STATH: variants seen among roughly 807,000 people sequenced by gnomAD.
STATH encodes statherin.
A neutral mutation model predicts 13.3 loss-of-function variants in STATH; 11 were observed. The ratio of observed to expected loss-of-function variants is 0.83; its 90% CI spans 0.52 to 1.37. The LOEUF (loss-of-function observed/expected upper bound fraction) is 1.37. Ranked by LOEUF, STATH falls within the 40% of genes most tolerant of loss-of-function variation. STATH has a pLI of 0.00. For missense variants in STATH, 78 were observed against 73.3 expected, an observed-to-expected ratio of 1.06 and a Z score of -0.24; for synonymous variants, 25 against 23.6, an observed-to-expected ratio of 1.06 and a Z score of -0.17.
In STATH at chr4:69,998,306, A is replaced by G. The variant is rs1054942521; in HGVS notation, c.-15-117A>G. 3 of 692,486 alleles carry G rather than the reference A, an allele frequency of 4.3e-6. No homozygotes were observed. In the African/African-American group the frequency reaches 5.3e-5, roughly 12 times the overall value. The allele number at this position is 692,486 out of a possible 1,614,324, so 42.9% of individuals were successfully genotyped here. A position where few individuals can be genotyped will look rare whatever the true frequency, so the allele number is the denominator to read the frequency against. ...TCATGATGTCAGGCAATGGGTTTTA[A>G]TTGTCTTTCTATCTGGAGTGTGTCT... On this transcript the variant is annotated intron_variant, in intron 1 of 5. Coordinates refer to ENST00000246895, the MANE Select transcript of STATH (RefSeq NM_003154.3).
At chr4:69,996,939 T>C (rs1162106260) in intron 1 of STATH, among the ~76,000 whole-genome samples, 1 of 149,532 alleles carries the variant, frequency 6.7e-6, no homozygotes, top group East Asian at 1.9e-4. Flanking sequence ...TTTTTTTTTT[T>C]TTTTTTTTTT....
chr4:69,999,897 C>G, intron 4 of STATH, 88 bp downstream of exon 4: 2 of 1,460,996 alleles, frequency 1.4e-6, no homozygotes, highest in Non-Finnish European at 9.5e-7. Flanking sequence ...ACTTATTTCT[C>G]AAATATGTGT....
At chr4:69,996,883 A>G (rs996283048) in intron 1 of STATH, among the ~76,000 whole-genome samples, 1 of 151,114 alleles carries the variant, frequency 6.6e-6, no homozygotes, top group African/African-American at 2.4e-5. Flanking sequence ...GAAAAACCCC[A>G]AAGTACATAT....
intron 4 of STATH, chr4:70,000,661 A>T: frequency 1.8e-6 from 1 of 550,338 alleles, no homozygotes; most frequent in East Asian, 2.9e-5. Flanking sequence ...CATGCAGTAC[A>T]AAGGTAAACA....
chr4:70,000,004 A>C, intron 4 of STATH, 195 bp downstream of exon 4: 11 of 632,772 alleles, frequency 1.7e-5, no homozygotes, highest in Non-Finnish European at 1.9e-5. Context: ...GTTGAAACTC[A>C]TAGTGCCAAC....
chr4:69,998,259 G>A (rs576683333), intron 1 of STATH, 164 bp from the exon 2 acceptor site: 2 of 568,290 alleles, frequency 3.5e-6, no homozygotes, highest in South Asian at 2.3e-5. Context: ...ACTTATCAGT[G>A]TCTCCAACAA....
chr4:70,000,075 C>A, intron 4 of STATH: 2 of 425,358 alleles, frequency 4.7e-6, no homozygotes, highest in Admixed American at 7.8e-5. Flanking sequence ...TCACTTTGAC[C>A]TAAAAAATAG....
intron 4 of STATH, 44 bp downstream of exon 4, chr4:69,999,853 T>C (rs1724608233): frequency 2.5e-6 from 4 of 1,600,438 alleles, no homozygotes; most frequent in Non-Finnish European, 3.4e-6. Flanking sequence ...ATAAATTGTG[T>C]TCTCTGATTA....
intron 1 of STATH, among the ~76,000 whole-genome samples, chr4:69,996,902 C>T (rs954765830): frequency 1.4e-5 from 2 of 146,248 alleles, no homozygotes; most frequent in South Asian, 4.4e-4. Flanking sequence ...ATTATTTTTA[C>T]ACTTACTCTA....
intron 1 of STATH, among the ~76,000 whole-genome samples, chr4:69,997,639 T>C (rs905342055): frequency 1.3e-5 from 2 of 152,202 alleles, no homozygotes; most frequent in Non-Finnish European, 2.9e-5. Flanking sequence ...TATGATAACA[T>C]ATCACAGTCC....
chr4:70,000,792 T>G, intron 4 of STATH, 71 bp from the exon 5 acceptor site: 1 of 1,133,944 alleles, frequency 8.8e-7, no homozygotes, highest in Non-Finnish European at 1.3e-6. Context: ...CAATCTAAGC[T>G]TCTAATAAAA....
intron 4 of STATH, 54 bp from the exon 5 acceptor site, chr4:70,000,809 G>A: frequency 7.6e-7 from 1 of 1,322,514 alleles, no homozygotes; most frequent in Non-Finnish European, 1.1e-6. Flanking sequence ...AAAAACGCTT[G>A]CACTGTCATT....
At chr4:70,001,883 T>C (rs1424412211) in intron 5 of STATH, among the ~76,000 whole-genome samples, 1 of 151,806 alleles carries the variant, frequency 6.6e-6, no homozygotes, top group Admixed American at 6.6e-5. Context: ...AAAAGATGTA[T>C]TGAAATATTA....
At chr4:70,000,776 C>A in intron 4 of STATH, 87 bp from the exon 5 acceptor site, 2 of 974,542 alleles carry the variant, frequency 2.1e-6, no homozygotes, top group Non-Finnish European at 3.2e-6. Context: ...GTTCCTAAAA[C>A]TTTAACAATC....
chr4:69,999,603 T>C, intron 2 of STATH, 64 bp from the exon 3 acceptor site: 1 of 1,525,670 alleles, frequency 6.6e-7, no homozygotes, highest in South Asian at 1.2e-5. Context: ...GAGTTCATTT[T>C]TGTACTCAAT....
Position 70,001,001 on chromosome 4 carries a change from C to T in STATH, c.*33+19C>T. On this transcript the variant is annotated intron_variant, in intron 5 of 5. Coordinates refer to ENST00000246895, the MANE Select transcript of STATH (RefSeq NM_003154.3). ...TATTGAGGTAAGATGGGTTTAGTGA[C>T]ATTTTTTTTACTTTCTGTATCAGTG... The T allele has an allele frequency of 6.5e-7, 1 of 1,532,124 alleles. No individual in the cohort carries two copies. The allele number at this position is 1,532,124 out of a possible 1,614,324, so 94.9% of individuals were successfully genotyped here. A position where few individuals can be genotyped will look rare whatever the true frequency, so the allele number is the denominator to read the frequency against.
chr4:69,996,296 C>T (rs1324588744), intron 1 of STATH, among the ~76,000 whole-genome samples: 2 of 152,076 alleles, frequency 1.3e-5, no homozygotes, highest in Non-Finnish European at 2.9e-5. Context: ...TTCTGAAAAG[C>T]TTTTTATTTC....
intron 2 of STATH, 108 bp from the exon 3 acceptor site, chr4:69,999,559 G>A (rs999629098): frequency 1.1e-5 from 12 of 1,050,422 alleles, no homozygotes; most frequent in Middle Eastern, 3.1e-4. Context: ...TCGATGATTT[G>A]CCTACATCCT....
chr4:69,999,729 G>A (rs374363281), intron 3 of STATH, 42 bp downstream of exon 3: 24 of 1,611,422 alleles, frequency 1.5e-5, no homozygotes, highest in Non-Finnish European at 2.0e-5. Context: ...TTTCAGTTTT[G>A]TCCTCCCTAC....
Sources: allele counts gnomAD v4.1 joint callset (sites outside exome capture counted in the v4.1 genomes callset), GRCh38; gene constraint gnomAD v4.1.1; transcripts MANE v1.5; gene names NCBI Gene and HGNC (gene_info 2026-07-23, HGNC 2026-07-21).